SLC35F5: variants seen among roughly 807,000 people sequenced by gnomAD.
SLC35F5 encodes HCV NS5A-transactivated protein 3.
SLC35F5 carries 54 observed loss-of-function variants against 68.6 expected under a neutral mutation model. The ratio of observed to expected loss-of-function variants is 0.79; its 90% CI spans 0.63 to 0.99. SLC35F5 has a LOEUF of 0.99. SLC35F5 is among the 50% of genes least tolerant of loss of function. SLC35F5 has a pLI of 0.00. For missense variants in SLC35F5, 567 were observed against 626.9 expected, an observed-to-expected ratio of 0.90 and a Z score of 1.02; for synonymous variants, 211 against 205.2, an observed-to-expected ratio of 1.03 and a Z score of -0.24.
At chr2:113,721,745 A>G (rs1160412228) in intron 13 of SLC35F5, among the ~76,000 whole-genome samples, 2 of 152,150 alleles carry the variant, frequency 1.3e-5, no homozygotes, top group Non-Finnish European at 2.9e-5. Flanking sequence ...TTAAATCTAT[A>G]AAAGAATGAT....
rs1030995717 is a variant in SLC35F5, at chr2:113,714,179, G to A, written c.*1039C>T. The A allele has an allele frequency of 1.3e-5, 2 of 152,216 alleles. No homozygotes were observed. Among genetic ancestry groups the A allele is most frequent in the South Asian group, 4.2e-4 (2 of 4,818 alleles). 9.4% of individuals were successfully genotyped at this position (152,216 alleles called of 1,614,324 possible). ...ATCTTAGTAGAGGAAAAGTTCTGAT[G>A]TGATTTTAAAAACAGAATCCCTTCT... is the stretch of plus-strand genomic sequence containing the variant. On this transcript the variant is annotated 3_prime_UTR_variant, in exon 16 of 16. Coordinates refer to ENST00000245680, the MANE Select transcript of SLC35F5 (RefSeq NM_025181.5).
chr2:113,719,318 A>G lies in SLC35F5; in HGVS notation c.1342-10T>C, dbSNP rs1275104875. On this transcript the variant is annotated splice_polypyrimidine_tract_variant and intron_variant, in intron 13 of 15. Transcript: ENST00000245680. ...ACCAAGAAAACTGCACCTAAAAATA[A>G]AAGATAGAGGAAAAAACACACCCAC... The G allele has an allele frequency of 6.5e-7, 1 of 1,547,944 alleles. No individual in the cohort carries two copies. The highest frequency in any genetic ancestry group is 8.6e-7 in the Non-Finnish European group (1 of 1,163,302).
intron 4 of SLC35F5, among the ~76,000 whole-genome samples, chr2:113,748,047 G>A (rs530227029): frequency 4.6e-5 from 7 of 152,214 alleles, no homozygotes; most frequent in South Asian, 4.2e-4. Flanking sequence ...AGCTGAGATC[G>A]CGCCACTGCA....
rs554108653 is a variant in SLC35F5, at chr2:113,714,412, A to T, written c.*806T>A. The T allele has an allele frequency of 2.0e-5, 3 of 152,262 alleles. No homozygotes were observed. In the East Asian group the frequency reaches 5.8e-4, roughly 29 times the overall value. 9.4% of individuals were successfully genotyped at this position (152,262 alleles called of 1,614,324 possible). On this transcript the variant is annotated 3_prime_UTR_variant, in exon 16 of 16. Coordinates refer to ENST00000245680, the MANE Select transcript of SLC35F5 (RefSeq NM_025181.5). ...TTGTCACTTCAATTTAAATCATTCC[A>T]TTATGAAAATTTCTTAATTGAAGGG...
At position 113,711,720 on chromosome 2, in the gene SLC35F5, G is replaced by C. The variant is rs1686990322; in HGVS notation, c.*3498C>G. On this transcript the variant is annotated 3_prime_UTR_variant, in exon 16 of 16. Coordinates refer to ENST00000245680, the MANE Select transcript of SLC35F5 (RefSeq NM_025181.5). ...TGTAAGTTTATCTGCAGATGTTACA[G>C]GTAATTATTTCTGTTAACTCCTCCT... is the stretch of plus-strand genomic sequence containing the variant. Among the ~76,000 whole-genome samples, 1 of 152,028 alleles carries C rather than the reference G, an allele frequency of 6.6e-6. No homozygotes were observed. Among genetic ancestry groups the C allele is most frequent in the South Asian group, 2.1e-4 (1 of 4,828 alleles).
chr2:113,741,702 A>AAG (rs1676284587), intron 7 of SLC35F5, among the ~76,000 whole-genome samples: 1 of 151,390 alleles, frequency 6.6e-6, no homozygotes, highest in African/African-American at 2.4e-5. Context: ...ACTCCATTAA[A>AAG]AAAAAAAAAA....
In SLC35F5 at chr2:113,746,284, C is replaced by T; in HGVS notation, c.473G>A (p.Ser158Asn). ...AAGAAAAGAAGCACTTACCAAAGAA[C>T]TATTCATAGTTGTATCTGTTGTGCA... Reference protein sequence around the residue: ...AACTTDTTMNSSLSEPLYVPV... With the variant: ...AACTTDTTMNNSLSEPLYVPV... Residue 158 changes from serine to asparagine, a missense_variant, in exon 5 of 16, where the codon AGT (serine) becomes AAT (asparagine). Physicochemically the swap from Ser to Asn is conservative, Grantham distance 46. Coordinates refer to ENST00000245680, the MANE Select transcript of SLC35F5 (RefSeq NM_025181.5). 6.2e-7 allele frequency: 1 copy of T among 1,612,950 alleles called. No individual in the cohort carries two copies. The highest frequency in any genetic ancestry group is 1.3e-5 in the African/African-American group (1 of 75,030).
In SLC35F5 at chr2:113,717,853, T is replaced by G. The variant is rs1179826906; in HGVS notation, c.1497-3A>C. 6.3e-7 allele frequency: 1 copy of G among 1,589,976 alleles called. No individual in the cohort carries two copies. The highest frequency in any genetic ancestry group is 8.6e-7 in the Non-Finnish European group (1 of 1,168,618). On this transcript the variant is annotated splice_region_variant and splice_polypyrimidine_tract_variant and intron_variant, in intron 14 of 15. Transcript: ENST00000245680. ...ACTGTTCGCTGTCTTCTGGAACTCTTAAGAAAAAAAAAAGCAGTAATTAAG... is the reference window on the plus strand; with the variant it reads ...ACTGTTCGCTGTCTTCTGGAACTCTGAAGAAAAAAAAAAGCAGTAATTAAG...
chr2:113,731,692 A>G, intron 9 of SLC35F5, 44 bp from the exon 10 acceptor site: 1 of 1,454,786 alleles, frequency 6.9e-7, no homozygotes, highest in Non-Finnish European at 9.7e-7. Context: ...AGAATTCTGA[A>G]AAGCCTAATC....
rs190336516 is a variant in SLC35F5, at chr2:113,707,939, C to A, written c.*7279G>T. On this transcript the variant is annotated 3_prime_UTR_variant, in exon 16 of 16. Transcript: ENST00000245680. ...TATCCTGGCACTTATTTTTTTTAAA[C>A]CATTATCAGATATTTCATGTTCTAC... is the stretch of plus-strand genomic sequence containing the variant. 6.6e-6 allele frequency among the ~76,000 whole-genome samples: 1 copy of A among 151,990 alleles called. No homozygotes were observed.
rs1687038553 is a variant in SLC35F5, at chr2:113,712,868, A to C, written c.*2350T>G. ...GCCAACATGGGTCTGACAGAGAGGA[A>C]GGACGTCAGCAGTTACTTGAATGTA... On this transcript the variant is annotated 3_prime_UTR_variant, in exon 16 of 16. Transcript: ENST00000245680. 1 of 152,242 alleles carries C rather than the reference A, an allele frequency of 6.6e-6. No homozygotes were observed. Among genetic ancestry groups the C allele is most frequent in the Admixed American group, 6.5e-5 (1 of 15,286 alleles). The allele number at this position is 152,242 out of a possible 1,614,324, so 9.4% of individuals were successfully genotyped here.
At position 113,709,211 on chromosome 2, in the gene SLC35F5, A is replaced by G. The variant is rs1422532112; in HGVS notation, c.*6007T>C. On this transcript the variant is annotated 3_prime_UTR_variant, in exon 16 of 16. Transcript: ENST00000245680. The stretch of plus-strand genomic sequence containing the variant: ...GTGGTGTCACTGTTATTCACTCTTT[A>G]CAAAGCACTAAGTACACACAGGTGT... Among the ~76,000 whole-genome samples, 7 of 151,356 alleles carry G rather than the reference A, an allele frequency of 4.6e-5. No homozygotes were observed. Among genetic ancestry groups the G allele is most frequent in the Admixed American group, 4.6e-4 (7 of 15,204 alleles).
At position 113,714,476 on chromosome 2, in the gene SLC35F5, A is replaced by G. The variant is rs1004489926; in HGVS notation, c.*742T>C. Reference sequence around the variant, plus strand: ...AAAACTCTAAATTAAACAGAGCTTTATCAATTAAGTTTACAGCAATATAGC... The same window carrying G: ...AAAACTCTAAATTAAACAGAGCTTTGTCAATTAAGTTTACAGCAATATAGC... On this transcript the variant is annotated 3_prime_UTR_variant, in exon 16 of 16. Coordinates refer to ENST00000245680, the MANE Select transcript of SLC35F5 (RefSeq NM_025181.5). 2.0e-5 allele frequency: 3 copies of G among 152,154 alleles called. No homozygotes were observed. Among genetic ancestry groups the G allele is most frequent in the African/African-American group, 7.2e-5 (3 of 41,466 alleles). 9.4% of individuals were successfully genotyped at this position (152,154 alleles called of 1,614,324 possible).
At chr2:113,724,310 T>A (rs747667114) in intron 12 of SLC35F5, among the ~76,000 whole-genome samples, 8 of 152,124 alleles carry the variant, frequency 5.3e-5, no homozygotes, top group Non-Finnish European at 1.0e-4. Context: ...TGGATCCAAT[T>A]TAGCTAAAGG....
chr2:113,712,410 G>A lies in SLC35F5; in HGVS notation c.*2808C>T, dbSNP rs924257995. Among the ~76,000 whole-genome samples, 4 of 152,020 alleles carry A rather than the reference G, an allele frequency of 2.6e-5. No homozygotes were observed. Among genetic ancestry groups the A allele is most frequent in the African/African-American group, 9.7e-5 (4 of 41,380 alleles). On this transcript the variant is annotated 3_prime_UTR_variant, in exon 16 of 16. Coordinates refer to ENST00000245680, the MANE Select transcript of SLC35F5 (RefSeq NM_025181.5). ...CGGCTCACTGCAGGCTCCGCCTCCC[G>A]GGTTCACGCCATTCTGCTGCCTCAG...
rs113507301 is a variant in SLC35F5, at chr2:113,714,192, C to T, written c.*1026G>A. The T allele has an allele frequency of 3.3e-5, 5 of 152,046 alleles. No homozygotes were observed. Among genetic ancestry groups the T allele is most frequent in the African/African-American group, 9.7e-5 (4 of 41,428 alleles). The allele number at this position is 152,046 out of a possible 1,614,324, so 9.4% of individuals were successfully genotyped here. A position where few individuals can be genotyped will look rare whatever the true frequency, so the allele number is the denominator to read the frequency against. On this transcript the variant is annotated 3_prime_UTR_variant, in exon 16 of 16. Transcript: ENST00000245680. ...AAAAGTTCTGATGTGATTTTAAAAA[C>T]AGAATCCCTTCTCGCCTTACTTACT...
downstream of SLC35F5, among the ~76,000 whole-genome samples, chr2:113,704,717 C>CCA (rs1190814300): frequency 6.6e-6 from 1 of 152,074 alleles, no homozygotes; most frequent in African/African-American, 2.4e-5. Context: ...CCCGCCGAGC[C>CCA]CACACCCACC....
chr2:113,707,011 T>C lies in SLC35F5; in HGVS notation c.*8207A>G, dbSNP rs537316718. ...TCATAGCTAACATAAGTAGGAATTA[T>C]AATTAATTTTATAATTGTGTTTAAA... On this transcript the variant is annotated 3_prime_UTR_variant, in exon 16 of 16. Coordinates refer to ENST00000245680, the MANE Select transcript of SLC35F5 (RefSeq NM_025181.5). 6.6e-6 allele frequency among the ~76,000 whole-genome samples: 1 copy of C among 152,334 alleles called. No individual in the cohort carries two copies. The highest frequency in any genetic ancestry group is 2.1e-4 in the South Asian group (1 of 4,828).
intron 12 of SLC35F5, among the ~76,000 whole-genome samples, chr2:113,724,084 C>G (rs995298169): frequency 2.0e-5 from 3 of 152,198 alleles, no homozygotes; most frequent in African/African-American, 7.2e-5. Context: ...AATAAAGTGT[C>G]ACTAGAAGTA....
Sources: allele counts gnomAD v4.1 joint callset (sites outside exome capture counted in the v4.1 genomes callset), GRCh38; gene constraint gnomAD v4.1.1; transcripts MANE v1.5; gene names NCBI Gene and HGNC (gene_info 2026-07-23, HGNC 2026-07-21).